MAP3K5: variants seen among roughly 807,000 people sequenced by gnomAD.
MAP3K5 encodes the protein ASK-1.
In MAP3K5, 56 loss-of-function variants were observed where a neutral mutation model predicts 158.7. That is an observed-to-expected ratio of 0.35 (90% CI 0.28 to 0.44). The LOEUF (loss-of-function observed/expected upper bound fraction) is 0.44. MAP3K5 is among the 20% of genes least tolerant of loss of function. The pLI, the probability that MAP3K5 is intolerant of heterozygous loss-of-function variation, is 1.00. For missense variants in MAP3K5, 1,294 were observed against 1,674.8 expected, an observed-to-expected ratio of 0.77 and a Z score of 3.97; for synonymous variants, 579 against 601.7, an observed-to-expected ratio of 0.96 and a Z score of 0.55.
At position 136,752,781 on chromosome 6, in the gene MAP3K5, T is replaced by C. The variant is rs551768122; in HGVS notation, c.449-32192A>G. The stretch of plus-strand genomic sequence containing the variant: ...AGGGCACTCCAGATAAAGGCAGTTA[T>C]GCAAAAGCACAGAGCTGTGAAAGGG... On this transcript the variant is annotated intron_variant, in intron 1 of 29. Coordinates refer to ENST00000359015, the MANE Select transcript of MAP3K5 (RefSeq NM_005923.4). 3.3e-5 allele frequency among the ~76,000 whole-genome samples: 5 copies of C among 152,284 alleles called. No individual in the cohort carries two copies. In the East Asian group the frequency reaches 9.7e-4, roughly 29 times the overall value.
chr6:136,568,857 CAAAAAAAAAA>C (rs60185973), intron 25 of MAP3K5, among the ~76,000 whole-genome samples: 4 of 45,942 alleles, frequency 8.7e-5, no homozygotes, highest in Non-Finnish European at 1.3e-4. Flanking sequence ...GAGTCTGTCT[CAAAAAAAAAA>C]AAAAAAAAAA....
At chr6:136,790,917 T>A (rs1785047640) in intron 1 of MAP3K5, among the ~76,000 whole-genome samples, 1 of 152,252 alleles carries the variant, frequency 6.6e-6, no homozygotes, top group South Asian at 2.1e-4. Flanking sequence ...GGTTGAAAGA[T>A]ACATTTCTTT....
At chr6:136,559,834 G>A (rs1830428917) in intron 28 of MAP3K5, among the ~76,000 whole-genome samples, 1 of 152,016 alleles carries the variant, frequency 6.6e-6, no homozygotes, top group Non-Finnish European at 1.5e-5. Flanking sequence ...CTGGCCTCAA[G>A]CTTTTACTTT....
At chr6:136,594,776 G>C (rs1236654312) in intron 21 of MAP3K5, among the ~76,000 whole-genome samples, 3 of 152,016 alleles carry the variant, frequency 2.0e-5, no homozygotes, top group African/African-American at 4.8e-5. Flanking sequence ...TACAAGATGA[G>C]GGATTCCTAT....
intron 1 of MAP3K5, among the ~76,000 whole-genome samples, chr6:136,751,270 T>C (rs1327642421): frequency 6.6e-6 from 1 of 152,148 alleles, no homozygotes; most frequent in Non-Finnish European, 1.5e-5. Context: ...TGGCAATATC[T>C]TTCTGATGTT....
In MAP3K5 at chr6:136,791,947, T is replaced by C; in HGVS notation, c.211A>G (p.Thr71Ala). Residue 71 changes from threonine (T) to alanine (A), a missense_variant, in exon 1 of 30, where the codon ACC becomes GCC. Around this residue, in one of 5 missense-constraint regions of MAP3K5, gnomAD observed 690 missense variants for 870.5 expected, o/e 0.79. Transcript: ENST00000359015. ...AAPGIGCPAA[T>A]SSSSATRGRG... ...CCTCGGGTGGCACTGCTCGAGGAGG[T>C]GGCCGCCGGACAACCGATGCCAGGG... The C allele has an allele frequency of 6.2e-7, 1 of 1,610,218 alleles. No individual in the cohort carries two copies. The highest frequency in any genetic ancestry group is 8.5e-7 in the Non-Finnish European group (1 of 1,178,708).
intron 1 of MAP3K5, among the ~76,000 whole-genome samples, chr6:136,760,503 T>C (rs909745223): frequency 1.3e-5 from 2 of 152,244 alleles, no homozygotes; most frequent in Admixed American, 1.3e-4. Flanking sequence ...ATTAATGGTA[T>C]TATTTGTTAA....
chr6:136,609,242 G>A lies in MAP3K5; in HGVS notation c.2521+2040C>T, dbSNP rs1333077193. The stretch of plus-strand genomic sequence containing the variant: ...CTGCTTGCCAAGTTAAGAGTAAGAG[G>A]AAAGAAATGTAAAGACATTTGAAGT... On this transcript the variant is annotated intron_variant, in intron 18 of 29. Transcript: ENST00000359015. This position sits in a 1 kb window ranked among gnomAD's most constrained non-coding sequence, Gnocchi z 4.4. Among the ~76,000 whole-genome samples, 1 of 152,138 alleles carries A rather than the reference G, an allele frequency of 6.6e-6. No individual in the cohort carries two copies. Among genetic ancestry groups the A allele is most frequent in the Non-Finnish European group, 1.5e-5 (1 of 68,014 alleles).
In MAP3K5 at chr6:136,694,208, T is replaced by G; in HGVS notation, c.1185A>C (p.Arg395=). 6.2e-7 allele frequency: 1 copy of G among 1,613,922 alleles called. No individual in the cohort carries two copies. Among genetic ancestry groups the G allele is most frequent in the South Asian group, 1.1e-5 (1 of 91,082 alleles). Residue 395 remains arginine (R), a synonymous_variant, in exon 7 of 30, where the codon CGA becomes CGC. Transcript: ENST00000359015. ...AGTCCAAAAACATATCTTTGTAGATTCGACCAACTAGGCAATACATATCTG... is the reference window on the plus strand; with the variant it reads ...AGTCCAAAAACATATCTTTGTAGATGCGACCAACTAGGCAATACATATCTG... ...VASDMYCLVG[R]IYKDMFLDSN...
chr6:136,786,379 C>CAA (rs11398691), intron 1 of MAP3K5, among the ~76,000 whole-genome samples: 231 of 80,620 alleles, frequency 2.9e-3, no homozygotes, highest in Admixed American at 3.8e-3. Flanking sequence ...AACTCCATCT[C>CAA]AAAAAAAAAA....
intron 11 of MAP3K5, among the ~76,000 whole-genome samples, chr6:136,644,382 G>A (rs1583331766): frequency 1.3e-5 from 2 of 152,216 alleles, no homozygotes. Flanking sequence ...AGGCTCCTGG[G>A]ATCTGTCTGG....
chr6:136,750,879 T>A (rs1477146945), intron 1 of MAP3K5, among the ~76,000 whole-genome samples: 1 of 152,206 alleles, frequency 6.6e-6, no homozygotes, highest in Admixed American at 6.5e-5. Flanking sequence ...TCCTACTTAG[T>A]ATTTCGGGAT....
At chr6:136,723,224 T>C (rs1562645921) in intron 1 of MAP3K5, among the ~76,000 whole-genome samples, 1 of 151,858 alleles carries the variant, frequency 6.6e-6, no homozygotes. Context: ...TATATGTATA[T>C]AATAATTTCA....
At chr6:136,776,975 T>C (rs1008652180) in intron 1 of MAP3K5, among the ~76,000 whole-genome samples, 1 of 152,226 alleles carries the variant, frequency 6.6e-6, no homozygotes. Context: ...ACTGGTTTTA[T>C]AAGGGAAAGA....
At chr6:136,698,165 G>A (rs866106876) in intron 4 of MAP3K5, among the ~76,000 whole-genome samples, 5 of 152,178 alleles carry the variant, frequency 3.3e-5, no homozygotes, top group African/African-American at 9.7e-5. Flanking sequence ...AATTAAAGTT[G>A]AATTGTTCTT....
intron 15 of MAP3K5, among the ~76,000 whole-genome samples, chr6:136,618,314 T>C (rs926910235): frequency 6.6e-5 from 10 of 152,244 alleles, no homozygotes; most frequent in Admixed American, 5.9e-4. Context: ...TTCACAATAA[T>C]AGAGTTGTCT....
chr6:136,761,808 A>C (rs1783771102), intron 1 of MAP3K5, among the ~76,000 whole-genome samples: 1 of 152,184 alleles, frequency 6.6e-6, no homozygotes, highest in African/African-American at 2.4e-5. Context: ...ACTGATCAGA[A>C]GATAATTTCA....
chr6:136,713,760 T>C (rs1781409550), intron 2 of MAP3K5, among the ~76,000 whole-genome samples: 1 of 126,436 alleles, frequency 7.9e-6, no homozygotes, highest in Non-Finnish European at 1.7e-5. Context: ...GATAGCAACG[T>C]TGAACCAGGA....
chr6:136,732,679 A>G (rs896134158), intron 1 of MAP3K5, among the ~76,000 whole-genome samples: 2 of 152,180 alleles, frequency 1.3e-5, no homozygotes, highest in Admixed American at 6.5e-5. Flanking sequence ...TCGTGACGCC[A>G]ATTTGTCTTC....
Sources: gnomAD v4.1 joint callset for allele counts (sites outside exome capture counted in the v4.1 genomes callset) on GRCh38, gnomAD v4.1.1 for gene constraint, gnomAD v4.1.1 regional missense constraint, Gnocchi (gnomAD v3.1) non-coding constraint, MANE v1.5 for transcripts, NCBI Gene and HGNC (gene_info 2026-07-23, HGNC 2026-07-21) for gene names.